The following PES1 variants were observed in gnomAD, a reference collection of about 807,000 sequenced individuals.
The protein encoded by PES1 is pescadillo ribosomal biogenesis factor 1, also known as pescadillo homolog.
PES1 carries 31 observed loss-of-function variants against 77.1 expected under a neutral mutation model. That is an observed-to-expected ratio of 0.40 (90% CI 0.30 to 0.54). The LOEUF is 0.54. PES1 is among the 20% of genes least tolerant of loss of function. The pLI is 0.45. For missense variants in PES1, 658 were observed against 771.7 expected, an observed-to-expected ratio of 0.85 and a Z score of 1.75; for synonymous variants, 282 against 303.0, an observed-to-expected ratio of 0.93 and a Z score of 0.72.
At chr22:30,598,885 AT>A (rs71200084) in intron 2 of PES1, among the ~76,000 whole-genome samples, 131 of 51,174 alleles carry the variant, frequency 2.6e-3, no homozygotes, top group South Asian at 4.7e-3. Context: ...CTTAAGTAAA[AT>A]TTTTTTTTTT....
chr22:30,592,307 G>C, upstream of PES1: 1 of 992,224 alleles, frequency 1.0e-6, no homozygotes, highest in East Asian at 1.1e-4. Flanking sequence ...TTCGGCTGCC[G>C]CTGCTGAGAA....
chr22:30,580,762 G>A (rs2086972286), intron 9 of PES1, 61 bp from the exon 10 acceptor site: 6 of 1,604,640 alleles, frequency 3.7e-6, no homozygotes, highest in Non-Finnish European at 5.1e-6. Flanking sequence ...TGGAGGGCCA[G>A]GGCTGGAGAT....
rs149861017 is a variant in PES1, at chr22:30,598,345, T to G, written c.-660-5947A>C. The G allele has an allele frequency of 2.4e-3, 376 of 154,896 alleles. 2 individuals carry two copies. The highest frequency in any genetic ancestry group is 8.5e-3 in the African/African-American group (353 of 41,578). 9.6% of individuals were successfully genotyped at this position (154,896 alleles called of 1,614,324 possible). ...GAACTGTAACACTCACCTTGAAGGT[T>G]GGCAGCTTCATTCTTGAAGTCAGTG... On this transcript the variant is annotated intron_variant, in intron 2 of 16. Transcript: ENST00000402281.
intron 2 of PES1, among the ~76,000 whole-genome samples, chr22:30,601,386 C>T (rs1477709448): frequency 6.6e-6 from 1 of 152,104 alleles, no homozygotes; most frequent in Non-Finnish European, 1.5e-5. Context: ...GCGATCTCAG[C>T]TCACAGCAGC....
upstream of PES1, chr22:30,592,303 T>G (rs191908430): frequency 1.5e-5 from 15 of 992,262 alleles, no homozygotes; most frequent in East Asian, 1.0e-3. Context: ...AGACTTCGGC[T>G]GCCGCTGCTG....
At chr22:30,600,151 G>T (rs1442514857) in intron 2 of PES1, among the ~76,000 whole-genome samples, 1 of 152,168 alleles carries the variant, frequency 6.6e-6, no homozygotes, top group Admixed American at 6.5e-5. Flanking sequence ...GGGCAAAATG[G>T]TGAAAACCCC....
chr22:30,581,568 A>T lies in PES1; in HGVS notation c.707T>A (p.Phe236Tyr). Reference sequence around the variant, plus strand: ...GAGGTTGAGCAACTGGTAAAGGCGGAAGTTGACAAAGCCCAGCAGCGTGGT... The same window carrying T: ...GAGGTTGAGCAACTGGTAAAGGCGGTAGTTGACAAAGCCCAGCAGCGTGGT... The part of the protein sequence containing the change: ...FYTTLLGFVN[F>Y]RLYQLLNLHY... The change falls in exon 7 of 15, where the codon TTC (phenylalanine) becomes TAC (tyrosine). Residue 236 changes from phenylalanine (F) to tyrosine (Y), a missense_variant. Coordinates refer to ENST00000354694, the MANE Select transcript of PES1 (RefSeq NM_014303.4). 1 of 1,613,858 alleles carries T rather than the reference A, an allele frequency of 6.2e-7. No homozygotes were observed. The highest frequency in any genetic ancestry group is 8.5e-7 in the Non-Finnish European group (1 of 1,180,000).
At chr22:30,579,392 C>A (rs1260540503) in intron 12 of PES1, 89 bp from the exon 13 acceptor site, 2 of 1,580,906 alleles carry the variant, frequency 1.3e-6, no homozygotes, top group Non-Finnish European at 1.7e-6. Context: ...TCCTCTCTGA[C>A]CCTGCCGTCT....
chr22:30,583,948 G>T (rs2087025713), intron 6 of PES1, among the ~76,000 whole-genome samples: 3 of 152,258 alleles, frequency 2.0e-5, no homozygotes, highest in Admixed American at 2.0e-4. Flanking sequence ...GCAAAGCAGG[G>T]ACGAGGAGCC....
chr22:30,599,286 C>T (rs896601372), intron 2 of PES1, among the ~76,000 whole-genome samples: 2 of 131,994 alleles, frequency 1.5e-5, no homozygotes, highest in Non-Finnish European at 3.3e-5. Context: ...TACATTTTTG[C>T]CTTGGTTTAT....
intron 1 of PES1, among the ~76,000 whole-genome samples, chr22:30,606,227 C>G (rs759138667): frequency 2.1e-4 from 32 of 151,966 alleles, no homozygotes; most frequent in Non-Finnish European, 2.4e-4. Flanking sequence ...CAATCTCATT[C>G]TTTTTATTTT....
At chr22:30,596,396 G>A (rs1198358250), upstream of PES1, among the ~76,000 whole-genome samples, 2 of 151,690 alleles carry the variant, frequency 1.3e-5, no homozygotes, top group East Asian at 1.9e-4. Context: ...TGTTGCCCAG[G>A]CTGGTTTCCA....
Position 30,598,931 on chromosome 22 carries a change from C to G in PES1, c.-661+6530G>C, listed in dbSNP as rs9621044. 6.9e-5 allele frequency among the ~76,000 whole-genome samples: 5 copies of G among 72,046 alleles called. No individual in the cohort carries two copies. The South Asian group carries it at 2.3e-3, about 33-fold the overall frequency. 47.3% of individuals were successfully genotyped at this position (72,046 alleles called of 152,430 possible). ...TTTTTTTTTGAGATGGAGTCCTGCT[C>G]TGTCATCCAGGCTAGAGTGCAGTGG... On this transcript the variant is annotated intron_variant, in intron 2 of 16. Coordinates refer to the PES1 transcript ENST00000402281.
upstream of PES1, among the ~76,000 whole-genome samples, chr22:30,595,631 T>A (rs928117309): frequency 6.6e-6 from 1 of 151,650 alleles, no homozygotes; most frequent in South Asian, 2.1e-4. Context: ...AACCTTCCCC[T>A]GTCAGCCCTG....
chr22:30,590,330 G>C (rs1217626849), intron 1 of PES1, among the ~76,000 whole-genome samples: 1 of 152,170 alleles, frequency 6.6e-6, no homozygotes, highest in Non-Finnish European at 1.5e-5. Flanking sequence ...TTCCAAACAA[G>C]ATCTTCCTCT....
Position 30,591,894 on chromosome 22 carries a change from C to A in PES1, c.-61G>T. ...ACAGGGAGCTCCACTTCCTCCCGCA[C>A]GTGCCCTGCCAAGGACCCCGAGGAC... On this transcript the variant is annotated 5_prime_UTR_variant, in exon 1 of 15. Transcript: ENST00000354694. 1.3e-6 allele frequency: 2 copies of A among 1,526,744 alleles called. No individual in the cohort carries two copies. The highest frequency in any genetic ancestry group is 1.8e-6 in the Non-Finnish European group (2 of 1,139,376). 94.6% of individuals were successfully genotyped at this position (1,526,744 alleles called of 1,614,324 possible).
At chr22:30,595,039 T>G (rs2087234846), upstream of PES1, among the ~76,000 whole-genome samples, 1 of 152,068 alleles carries the variant, frequency 6.6e-6, no homozygotes, top group African/African-American at 2.4e-5. Context: ...CTGTCCAAAT[T>G]TATAGATTCT....
intron 2 of PES1, among the ~76,000 whole-genome samples, chr22:30,588,554 G>T (rs1317837440): frequency 6.6e-6 from 1 of 152,090 alleles, no homozygotes; most frequent in Non-Finnish European, 1.5e-5. Context: ...GAGGCAGGAG[G>T]ATCACCTGAG....
chr22:30,606,212 C>G (rs1244914540), intron 1 of PES1, among the ~76,000 whole-genome samples: 1 of 151,932 alleles, frequency 6.6e-6, no homozygotes, highest in Non-Finnish European at 1.5e-5. Flanking sequence ...CTTTGTGTCT[C>G]GATTCAATCT....
Sources: gnomAD v4.1 joint callset for allele counts (sites outside exome capture counted in the v4.1 genomes callset) on GRCh38, gnomAD v4.1.1 for gene constraint, MANE v1.5 for transcripts, NCBI Gene and HGNC (gene_info 2026-07-23, HGNC 2026-07-21) for gene names.